Variants in C10orf90 observed in about 807,000 individuals in gnomAD.
C10orf90 encodes the protein (E2-independent) E3 ubiquitin-conjugating enzyme FATS.
A neutral mutation model predicts 62.5 loss-of-function variants in C10orf90; 56 were observed. The ratio of observed to expected loss-of-function variants is 0.90; its 90% CI spans 0.72 to 1.12. C10orf90 has a LOEUF of 1.12. Among genes scored for constraint, C10orf90 ranks in the 50% most tolerant of loss-of-function variants. C10orf90 has a pLI of 0.00. For missense variants in C10orf90, 970 were observed against 880.4 expected (o/e 1.10, Z -1.29); for synonymous variants, 386 against 340.4 (o/e 1.13, Z -1.47).
chr10:126,656,860 G>T (rs1419543338), intron 1 of C10orf90, among the ~76,000 whole-genome samples: 1 of 152,214 alleles, frequency 6.6e-6, no homozygotes, highest in Non-Finnish European at 1.5e-5. Flanking sequence ...TAATAAGGCT[G>T]ATTTTTAACA....
chr10:126,483,858 G>C (rs576407645), intron 4 of C10orf90, among the ~76,000 whole-genome samples: 1 of 152,200 alleles, frequency 6.6e-6, no homozygotes, highest in East Asian at 1.9e-4. Flanking sequence ...ATCCAAGAAT[G>C]GGTTCTGTTT....
intron 4 of C10orf90, among the ~76,000 whole-genome samples, chr10:126,499,482 T>C (rs1299310893): frequency 6.6e-6 from 1 of 152,196 alleles, no homozygotes; most frequent in Non-Finnish European, 1.5e-5. Context: ...CCTCATGGGA[T>C]GAGAGTGGGA....
chr10:126,524,613 A>C (rs2133946740), intron 2 of C10orf90: 1 of 984,082 alleles, frequency 1.0e-6, no homozygotes, highest in Middle Eastern at 5.2e-4. Context: ...ACACAGCATG[A>C]TATGCTGGGA....
chr10:126,471,130 G>T (rs543297222), intron 4 of C10orf90, among the ~76,000 whole-genome samples: 1 of 152,204 alleles, frequency 6.6e-6, no homozygotes, highest in Admixed American at 6.5e-5. Context: ...GAAGCAGTGA[G>T]CTGCGTTACC....
At chr10:126,457,804 C>T (rs1859679682) in intron 7 of C10orf90, among the ~76,000 whole-genome samples, 1 of 152,154 alleles carries the variant, frequency 6.6e-6, no homozygotes, top group African/African-American at 2.4e-5. Context: ...TGCCTGAACC[C>T]AGTTTTCTCT....
At chr10:126,480,285 CA>C (rs1200654396) in intron 4 of C10orf90, among the ~76,000 whole-genome samples, 1 of 152,142 alleles carries the variant, frequency 6.6e-6, no homozygotes, top group Non-Finnish European at 1.5e-5. Flanking sequence ...CACTGTGGGC[CA>C]AACTCAAAAT....
At chr10:126,664,270 C>T (rs1474936647) in intron 1 of C10orf90, among the ~76,000 whole-genome samples, 1 of 152,104 alleles carries the variant, frequency 6.6e-6, no homozygotes, top group Non-Finnish European at 1.5e-5. Flanking sequence ...TAAACAAGAC[C>T]TGCTTACAAA....
In C10orf90 at chr10:126,576,709, A is replaced by ATG. The variant is rs1564879105; in HGVS notation, c.314-62771_314-62770insCA. On this transcript the variant is annotated intron_variant, in intron 2 of 9. Coordinates refer to ENST00000488181, the MANE Select transcript of C10orf90 (RefSeq NM_001350921.2). ...CATATACATGTATATGTATATGTAT[A>ATG]TATATACAAGATATACATATATATG... Among the ~76,000 whole-genome samples, 371 of 39,702 alleles carry ATG rather than the reference A, an allele frequency of 9.3e-3. 28 individuals carry two copies. The highest frequency in any genetic ancestry group is 0.033 in the African/African-American group (313 of 9,500). The allele number at this position is 39,702 out of a possible 152,430, so 26.0% of individuals were successfully genotyped here.
chr10:126,528,767 G>T (rs1362605331), intron 2 of C10orf90, among the ~76,000 whole-genome samples: 2 of 152,158 alleles, frequency 1.3e-5, no homozygotes, highest in Non-Finnish European at 2.9e-5. Flanking sequence ...CCCACAGCCT[G>T]CAATGCTGCT....
At chr10:126,621,704 T>C (rs1220073214) in intron 2 of C10orf90, among the ~76,000 whole-genome samples, 1 of 152,228 alleles carries the variant, frequency 6.6e-6, no homozygotes, top group Non-Finnish European at 1.5e-5. Flanking sequence ...AGTCTGACAA[T>C]CTTATGGATT....
rs775678581 is a variant in C10orf90, at chr10:126,426,073, G to A, written c.2270C>T (p.Pro757Leu). The change falls in exon 9 of 10, where the codon CCG becomes CTG. Residue 757 changes from proline (P) to leucine (L), a missense_variant. Physicochemically the swap from Pro to Leu is moderately conservative, Grantham distance 98. Coordinates refer to ENST00000488181, the MANE Select transcript of C10orf90 (RefSeq NM_001350921.2). ...TTCTTCTTTTTTCTTTTTAACTTCC[G>A]GCAAGTTATCATAGATTCTGAAACA... ...MRSKRIYDNL[P>L]EVKKKKEEQR... 69 of 1,613,600 alleles carry A rather than the reference G, an allele frequency of 4.3e-5. No individual in the cohort carries two copies. Among genetic ancestry groups the A allele is most frequent in the Non-Finnish European group, 5.3e-5 (62 of 1,179,706 alleles).
chr10:126,486,676 T>C (rs937860658), intron 4 of C10orf90, among the ~76,000 whole-genome samples: 2 of 152,158 alleles, frequency 1.3e-5, no homozygotes, highest in African/African-American at 4.8e-5. Context: ...AGCACTTTTA[T>C]AAACAAAAAA....
intron 7 of C10orf90, among the ~76,000 whole-genome samples, chr10:126,447,575 A>T (rs992178317): frequency 6.6e-6 from 1 of 152,180 alleles, no homozygotes; most frequent in African/African-American, 2.4e-5. Flanking sequence ...ATAACAATAC[A>T]ATAGTAGTGG....
intron 4 of C10orf90, among the ~76,000 whole-genome samples, chr10:126,493,455 G>A (rs1272112341): frequency 1.3e-5 from 2 of 151,642 alleles, no homozygotes; most frequent in Non-Finnish European, 2.9e-5. Flanking sequence ...CTGCCTCCCA[G>A]GTTCATGTGA....
At chr10:126,667,886 A>G (rs1389286432) in intron 1 of C10orf90, among the ~76,000 whole-genome samples, 2 of 152,166 alleles carry the variant, frequency 1.3e-5, no homozygotes, top group Non-Finnish European at 2.9e-5. Context: ...GTGTGCAGAC[A>G]TCAAGTCTTT....
intron 1 of C10orf90, among the ~76,000 whole-genome samples, chr10:126,651,872 C>T (rs1846298075): frequency 6.6e-6 from 1 of 152,156 alleles, no homozygotes; most frequent in Non-Finnish European, 1.5e-5. Flanking sequence ...GGAAAGAGGA[C>T]TATCTCTTTT....
chr10:126,432,457 G>A (rs1857639596), intron 7 of C10orf90, among the ~76,000 whole-genome samples: 1 of 152,216 alleles, frequency 6.6e-6, no homozygotes, highest in Admixed American at 6.5e-5. Context: ...CATTTATTTT[G>A]GGAGAAGCTG....
At chr10:126,513,791 TA>T in intron 3 of C10orf90, 56 bp downstream of exon 3, 1 of 1,105,356 alleles carries the variant, frequency 9.0e-7, no homozygotes, top group Non-Finnish European at 1.4e-6. Context: ...TCAGTGATTA[TA>T]TTTTATAGAT....
intron 7 of C10orf90, among the ~76,000 whole-genome samples, chr10:126,447,752 A>G (rs1858877115): frequency 6.6e-6 from 1 of 152,220 alleles, no homozygotes; most frequent in Non-Finnish European, 1.5e-5. Flanking sequence ...TGTACATAGA[A>G]CATTCTTCAG....
Sources: allele counts gnomAD v4.1 joint callset (sites outside exome capture counted in the v4.1 genomes callset), GRCh38; gene constraint gnomAD v4.1.1; transcripts MANE v1.5; gene names NCBI Gene and HGNC (gene_info 2026-07-23, HGNC 2026-07-21).